The following CACNA1C variants were observed in gnomAD, a reference collection of about 807,000 sequenced individuals.
The protein encoded by CACNA1C is calcium voltage-gated channel subunit alpha1 C, also known as voltage-dependent L-type calcium channel subunit alpha-1C.
A neutral mutation model predicts 229.0 loss-of-function variants in CACNA1C; 30 were observed. The ratio of observed to expected loss-of-function variants is 0.13; its 90% CI spans 0.10 to 0.18. The LOEUF is 0.18. Among genes scored for constraint, CACNA1C ranks in the 10% least tolerant of loss-of-function variants. CACNA1C has a pLI of 1.00. For missense variants in CACNA1C, 1,658 were observed against 2,845.0 expected (o/e 0.58, Z 9.49); for synonymous variants, 1,114 against 1,132.5 (o/e 0.98, Z 0.33).
chr12:2,379,953 C>G (rs1032406094), intron 3 of CACNA1C, among the ~76,000 whole-genome samples: 1 of 145,416 alleles, frequency 6.9e-6, no homozygotes, highest in Non-Finnish European at 1.5e-5. Context: ...ATGGCGTGAA[C>G]CCGGGAGGCG....
chr12:2,200,999 C>CT (rs1047833855), intron 3 of CACNA1C, among the ~76,000 whole-genome samples: 65 of 152,280 alleles, frequency 4.3e-4, no homozygotes, highest in African/African-American at 1.4e-3. Flanking sequence ...GATTAGTATT[C>CT]TTTTTTGCAA....
intron 3 of CACNA1C, among the ~76,000 whole-genome samples, chr12:2,124,154 T>C (rs1175923955): frequency 6.9e-6 from 1 of 144,778 alleles, no homozygotes; most frequent in Non-Finnish European, 1.5e-5. Flanking sequence ...GTGTGTGCAG[T>C]CATTTGCCAA....
Position 2,649,527 on chromosome 12 carries a change from T to C in CACNA1C, c.3945+1020T>C, listed in dbSNP as rs950939707. Among the ~76,000 whole-genome samples the C allele has an allele frequency of 2.1e-4, 32 of 152,150 alleles. No homozygotes were observed. Among genetic ancestry groups the C allele is most frequent in the Non-Finnish European group, 2.9e-4 (20 of 68,020 alleles). On this transcript the variant is annotated intron_variant, in intron 31 of 46. Coordinates refer to ENST00000399655, the MANE Select transcript of CACNA1C (RefSeq NM_000719.7). This position sits in a 1 kb window ranked among gnomAD's most constrained non-coding sequence, Gnocchi z 4.4. ...CATCTGGATCTGCCTCCTTTTTGCA[T>C]TGTTATTTGGTTTATTAGAGCAAAT...
At chr12:2,339,991 A>G (rs1195504926) in intron 3 of CACNA1C, among the ~76,000 whole-genome samples, 1 of 152,202 alleles carries the variant, frequency 6.6e-6, no homozygotes, top group Non-Finnish European at 1.5e-5. Flanking sequence ...ATTACTATGT[A>G]CTTTGGTTTT....
At chr12:2,344,272 C>T (rs965157785) in intron 3 of CACNA1C, among the ~76,000 whole-genome samples, 1 of 152,064 alleles carries the variant, frequency 6.6e-6, no homozygotes, top group African/African-American at 2.4e-5. Flanking sequence ...TTGAAAATTG[C>T]CAGCCTGTTA....
In CACNA1C at chr12:2,144,097, G is replaced by A. The variant is rs956222678; in HGVS notation, c.477+23667G>A. ...GTCAGCACCACGTGGGCACACAGGA[G>A]GACTAATCATTCCTGTGTAAACGCT... On this transcript the variant is annotated intron_variant, in intron 3 of 46. Coordinates refer to ENST00000399655, the MANE Select transcript of CACNA1C (RefSeq NM_000719.7). 2.6e-5 allele frequency among the ~76,000 whole-genome samples: 4 copies of A among 151,468 alleles called. 1 individual carries two copies. The highest frequency in any genetic ancestry group is 6.6e-5 in the Admixed American group (1 of 15,082).
At chr12:2,265,830 C>T (rs149989744) in intron 3 of CACNA1C, among the ~76,000 whole-genome samples, 41 of 152,350 alleles carry the variant, frequency 2.7e-4, no homozygotes, top group Middle Eastern at 3.4e-3. Flanking sequence ...GGTGGCCCAG[C>T]AATCTCTGGA....
chr12:2,360,775 C>A (rs558190240), intron 3 of CACNA1C, among the ~76,000 whole-genome samples: 1 of 147,518 alleles, frequency 6.8e-6, no homozygotes, highest in East Asian at 2.0e-4. Context: ...AATTGCAATG[C>A]TCGAAGAGTA....
chr12:2,666,794 C>T lies in CACNA1C; in HGVS notation c.4623+12C>T, dbSNP rs759349991. ...GCGTGGCTTGCAAAGTAAGAGATAA[C>T]GGGGTTCATGGGAGGGAGAGGGAAA... is the stretch of plus-strand genomic sequence containing the variant. On this transcript the variant is annotated intron_variant, in intron 37 of 46. Transcript: ENST00000399655. The surrounding 1 kb of genome is among the most constrained non-coding windows in gnomAD (Gnocchi z 5.3). 34 of 1,547,866 alleles carry T rather than the reference C, an allele frequency of 2.2e-5. No homozygotes were observed. Among genetic ancestry groups the T allele is most frequent in the Middle Eastern group, 1.7e-4 (1 of 6,002 alleles).
intron 3 of CACNA1C, among the ~76,000 whole-genome samples, chr12:2,353,251 T>C (rs2097258814): frequency 6.6e-6 from 1 of 152,156 alleles, no homozygotes; most frequent in African/African-American, 2.4e-5. Flanking sequence ...TGCTGGCCTA[T>C]GCAGAAGTTC....
rs551803187 is a variant in CACNA1C, at chr12:2,537,120, A to G, written c.1391-12823A>G. ...AAATAAGTGGCTTCTCCCCAGGACC[A>G]CCACCTGCACCCACTGCCCTCCTCC... On this transcript the variant is annotated intron_variant, in intron 9 of 46. Coordinates refer to ENST00000399655, the MANE Select transcript of CACNA1C (RefSeq NM_000719.7). 2.9e-3 allele frequency among the ~76,000 whole-genome samples: 443 copies of G among 152,282 alleles called. 1 individual carries two copies. The highest frequency in any genetic ancestry group is 4.9e-3 in the Non-Finnish European group (336 of 68,010).
chr12:2,405,737 C>G (rs2098730967), intron 3 of CACNA1C, among the ~76,000 whole-genome samples: 1 of 152,160 alleles, frequency 6.6e-6, no homozygotes, highest in Non-Finnish European at 1.5e-5. Context: ...TAGGTATTTC[C>G]TCCACACACA....
chr12:2,395,419 A>G (rs1001151425), intron 3 of CACNA1C, among the ~76,000 whole-genome samples: 1 of 152,054 alleles, frequency 6.6e-6, no homozygotes, highest in Non-Finnish European at 1.5e-5. Flanking sequence ...GGGTTTTGCC[A>G]TGTTGACCAG....
At chr12:2,232,762 CCA>C (rs2065836781) in intron 3 of CACNA1C, among the ~76,000 whole-genome samples, 2 of 152,024 alleles carry the variant, frequency 1.3e-5, no homozygotes, top group Non-Finnish European at 2.9e-5. Flanking sequence ...CCCTTCTTCC[CCA>C]GTTATTTATT....
At chr12:2,505,532 G>A (rs1383862348) in intron 8 of CACNA1C, among the ~76,000 whole-genome samples, 2 of 152,140 alleles carry the variant, frequency 1.3e-5, no homozygotes, top group East Asian at 3.9e-4. Context: ...GGGCATGGTG[G>A]TGCACACCTG....
chr12:2,670,902 TAAAA>T (rs552962979), intron 38 of CACNA1C, among the ~76,000 whole-genome samples: 1 of 133,254 alleles, frequency 7.5e-6, no homozygotes, highest in African/African-American at 2.8e-5. Flanking sequence ...GCTACTAAAT[TAAAA>T]AAAAAAAAAA....
intron 3 of CACNA1C, among the ~76,000 whole-genome samples, chr12:2,396,452 G>A (rs550172936): frequency 8.5e-5 from 13 of 152,274 alleles, no homozygotes; most frequent in East Asian, 3.9e-4. Flanking sequence ...AAGGCGATCC[G>A]GCTGCCCAAG....
intron 31 of CACNA1C, among the ~76,000 whole-genome samples, chr12:2,648,998 A>G (rs1172712647): frequency 6.6e-6 from 1 of 152,132 alleles, no homozygotes; most frequent in African/African-American, 2.4e-5. Flanking sequence ...CTGTGCTTCA[A>G]GTGAAAGGCC....
intron 3 of CACNA1C, among the ~76,000 whole-genome samples, chr12:2,297,026 T>G (rs145186861): frequency 6.6e-6 from 1 of 152,354 alleles, no homozygotes; most frequent in East Asian, 1.9e-4. Context: ...TCCTCCTGCC[T>G]TGGGGGTATA....
Sources: gnomAD v4.1 joint callset for allele counts (sites outside exome capture counted in the v4.1 genomes callset) on GRCh38, gnomAD v4.1.1 for gene constraint, Gnocchi (gnomAD v3.1) non-coding constraint, MANE v1.5 for transcripts, NCBI Gene and HGNC (gene_info 2026-07-23, HGNC 2026-07-21) for gene names.